Variants in SNAP91 observed in about 807,000 individuals in gnomAD.
SNAP91 encodes clathrin coat assembly protein AP180.
Under a neutral mutation model 100.3 loss-of-function variants are expected in SNAP91, and 27 were observed. The observed-to-expected ratio is 0.27, with a 90% CI of 0.20 to 0.37. The LOEUF (loss-of-function observed/expected upper bound fraction) is 0.37, where lower values mean the gene tolerates loss of function less well. Among genes scored for constraint, SNAP91 ranks in the 10% least tolerant of loss-of-function variants. The pLI is 1.00. For missense variants in SNAP91, 986 were observed against 1,123.7 expected, an observed-to-expected ratio of 0.88 and a Z score of 1.75; for synonymous variants, 404 against 398.6, an observed-to-expected ratio of 1.01 and a Z score of -0.16.
intron 8 of SNAP91, among the ~76,000 whole-genome samples, chr6:83,634,484 T>C (rs1193884841): frequency 6.6e-6 from 1 of 152,186 alleles, no homozygotes; most frequent in Non-Finnish European, 1.5e-5. Context: ...TCAGGGAGTC[T>C]GTGGGTCATC....
intron 22 of SNAP91, among the ~76,000 whole-genome samples, chr6:83,585,430 G>GA (rs911805613): frequency 6.6e-6 from 1 of 152,032 alleles, no homozygotes; most frequent in African/African-American, 2.4e-5. Context: ...TCAGGAGGCT[G>GA]AAGTGGGAGG....
At position 83,574,981 on chromosome 6, in the gene SNAP91, C is replaced by T. The variant is rs144294385; in HGVS notation, c.2442+29G>A. On this transcript the variant is annotated intron_variant, in intron 26 of 29. Coordinates refer to ENST00000369694, the MANE Select transcript of SNAP91 (RefSeq NM_001242792.2). ...CACTTGGAAACTGGCAAACTGCCTG[C>T]GCTGCCCTGGGCTCTGATTGCTACA... is the stretch of plus-strand genomic sequence containing the variant. 5.1e-5 allele frequency: 74 copies of T among 1,449,256 alleles called. 1 individual carries two copies. The South Asian group carries it at 6.8e-4, about 13-fold the overall frequency. The allele number at this position is 1,449,256 out of a possible 1,614,324, so 89.8% of individuals were successfully genotyped here.
At chr6:83,671,209 T>C (rs1042248982) in intron 2 of SNAP91, among the ~76,000 whole-genome samples, 4 of 152,096 alleles carry the variant, frequency 2.6e-5, no homozygotes, top group Admixed American at 2.6e-4. Flanking sequence ...TTTCAGTACA[T>C]CAGTCTTACA....
intron 7 of SNAP91, among the ~76,000 whole-genome samples, chr6:83,646,182 T>G (rs2097910765): frequency 6.6e-6 from 1 of 152,182 alleles, no homozygotes; most frequent in South Asian, 2.1e-4. Context: ...CATCTTACTC[T>G]TTTTCTTGAC....
intron 8 of SNAP91, among the ~76,000 whole-genome samples, chr6:83,627,267 AT>A (rs2096972804): frequency 6.6e-6 from 1 of 151,876 alleles, no homozygotes; most frequent in African/African-American, 2.4e-5. Context: ...TTTGTTGAGG[AT>A]TTCTGCATCT....
intron 12 of SNAP91, among the ~76,000 whole-genome samples, chr6:83,608,169 T>C (rs757027063): frequency 6.6e-6 from 1 of 152,122 alleles, no homozygotes; most frequent in African/African-American, 2.4e-5. Flanking sequence ...ATTGTAATAA[T>C]TGCTAAAAAA....
intron 26 of SNAP91, among the ~76,000 whole-genome samples, chr6:83,569,997 G>A (rs796519545): frequency 4.6e-5 from 7 of 152,232 alleles, no homozygotes; most frequent in African/African-American, 1.7e-4. Context: ...GGTATCAGTA[G>A]AGTGGAGCGC....
intron 6 of SNAP91, 115 bp from the exon 7 acceptor site, chr6:83,656,980 A>G: frequency 1.7e-6 from 1 of 592,234 alleles, no homozygotes; most frequent in Non-Finnish European, 3.0e-6. Context: ...TTCTACAAAC[A>G]TTGGTAATTC....
At chr6:83,648,613 T>A (rs1397557303) in intron 7 of SNAP91, among the ~76,000 whole-genome samples, 1 of 152,218 alleles carries the variant, frequency 6.6e-6, no homozygotes, top group Non-Finnish European at 1.5e-5. Flanking sequence ...CTGTACATCT[T>A]CACTAATACT....
intron 26 of SNAP91, among the ~76,000 whole-genome samples, chr6:83,567,681 G>A (rs1028690742): frequency 2.0e-5 from 3 of 152,178 alleles, no homozygotes; most frequent in African/African-American, 7.2e-5. Flanking sequence ...CCATCAAAAA[G>A]TGGGTGAAGG....
intron 26 of SNAP91, among the ~76,000 whole-genome samples, chr6:83,573,552 T>C (rs1472160166): frequency 1.3e-5 from 2 of 152,010 alleles, no homozygotes; most frequent in African/African-American, 4.8e-5. Flanking sequence ...CTTCAAACTA[T>C]ACTACAAGGC....
chr6:83,613,502 C>G (rs1308488266), intron 11 of SNAP91, among the ~76,000 whole-genome samples: 1 of 152,194 alleles, frequency 6.6e-6, no homozygotes, highest in Non-Finnish European at 1.5e-5. Flanking sequence ...AGGTTGAGAA[C>G]CAGAGGTGCT....
intron 7 of SNAP91, among the ~76,000 whole-genome samples, chr6:83,641,755 A>G (rs1266749425): frequency 6.6e-6 from 1 of 152,098 alleles, no homozygotes. Context: ...AAAACAGTAG[A>G]CTTTTGTGAA....
intron 21 of SNAP91, 123 bp from the exon 22 acceptor site, chr6:83,591,417 T>C (rs1469010343): frequency 3.2e-6 from 2 of 620,678 alleles, no homozygotes; most frequent in East Asian, 2.7e-5. Context: ...TTGTCTTTTG[T>C]GGGTGTGTGA....
intron 8 of SNAP91, among the ~76,000 whole-genome samples, chr6:83,631,100 A>C (rs116466097): frequency 0.028 from 4,208 of 152,232 alleles, 197 homozygotes; most frequent in African/African-American, 0.094. Flanking sequence ...TTTTTGACCC[A>C]ATGCTCATTC....
chr6:83,597,949 G>A (rs1172805418), intron 16 of SNAP91, among the ~76,000 whole-genome samples: 1 of 152,228 alleles, frequency 6.6e-6, no homozygotes, highest in Non-Finnish European at 1.5e-5. Context: ...TCAGGCTTGT[G>A]AGGTAAGTTC....
intron 11 of SNAP91, among the ~76,000 whole-genome samples, chr6:83,611,887 T>C (rs1341164495): frequency 1.1e-5 from 1 of 91,408 alleles, no homozygotes; most frequent in African/African-American, 3.7e-5. Flanking sequence ...TTTTTTTTTT[T>C]TTTTTTTGGA....
intron 7 of SNAP91, among the ~76,000 whole-genome samples, chr6:83,644,154 T>C (rs2097824517): frequency 6.6e-6 from 1 of 152,092 alleles, no homozygotes; most frequent in African/African-American, 2.4e-5. Context: ...AAAAGAAAAA[T>C]CAAGCTGAAT....
intron 1 of SNAP91, chr6:83,708,404 A>T (rs1170351624): frequency 6.4e-6 from 1 of 157,100 alleles, no homozygotes; most frequent in Admixed American, 6.5e-5. Flanking sequence ...GCTTCGGGGA[A>T]TGCATCGGAT....
Sources: gnomAD v4.1 joint callset for allele counts (sites outside exome capture counted in the v4.1 genomes callset) on GRCh38, gnomAD v4.1.1 for gene constraint, MANE v1.5 for transcripts, NCBI Gene and HGNC (gene_info 2026-07-23, HGNC 2026-07-21) for gene names.